Variants in ZFYVE28 observed in about 807,000 individuals in gnomAD.
ZFYVE28 encodes the protein lateral signaling target protein 2 homolog.
In ZFYVE28, 40 loss-of-function variants were observed where a neutral mutation model predicts 82.1. The ratio of observed to expected loss-of-function variants is 0.49; its 90% CI spans 0.38 to 0.63. The LOEUF (loss-of-function observed/expected upper bound fraction) is 0.63, where lower values mean the gene tolerates loss of function less well. Among genes scored for constraint, ZFYVE28 ranks in the 30% least tolerant of loss-of-function variants. ZFYVE28 has a pLI of 0.00. For synonymous variants in ZFYVE28, 612 were observed against 546.1 expected (o/e 1.12, Z -1.68); for missense variants, 1,321 against 1,242.1 (o/e 1.06, Z -0.96).
chr4:2,363,221 C>T (rs1252218298), intron 1 of ZFYVE28, among the ~76,000 whole-genome samples: 1 of 152,160 alleles, frequency 6.6e-6, no homozygotes. Context: ...GTGGGAGTGG[C>T]ATAGCTCAGA....
intron 8 of ZFYVE28, among the ~76,000 whole-genome samples, chr4:2,280,554 T>C: frequency 6.6e-6 from 1 of 152,216 alleles, no homozygotes; most frequent in East Asian, 1.9e-4. Flanking sequence ...AGAGATGTCA[T>C]ATGTACATAA....
chr4:2,293,752 C>CAA lies in ZFYVE28; in HGVS notation c.2051+10535_2051+10536dup, dbSNP rs71644322. Among the ~76,000 whole-genome samples the CAA allele has an allele frequency of 3.8e-3, 316 of 83,478 alleles. 9 individuals are homozygous for CAA. Among genetic ancestry groups the CAA allele is most frequent in the Middle Eastern group, 0.013 (2 of 156 alleles). 54.8% of individuals were successfully genotyped at this position (83,478 alleles called of 152,430 possible). On this transcript the variant is annotated intron_variant, in intron 8 of 12. Coordinates refer to ENST00000290974, the MANE Select transcript of ZFYVE28 (RefSeq NM_020972.3). Reference sequence around the variant, plus strand: ...TGGGTGACAGAGCAAGACTCCATCTCAAAAAAAAAAAAAAAAAAATCTTCT... The same window carrying CAA: ...TGGGTGACAGAGCAAGACTCCATCTCAAAAAAAAAAAAAAAAAAAAATCTTCT...
At chr4:2,277,341 G>A (rs1043356779) in intron 8 of ZFYVE28, among the ~76,000 whole-genome samples, 1 of 152,198 alleles carries the variant, frequency 6.6e-6, no homozygotes, top group African/African-American at 2.4e-5. Context: ...TTAGCCGGGC[G>A]TGGCGGCGTG....
intron 11 of ZFYVE28, 95 bp downstream of exon 11, chr4:2,271,580 G>A: frequency 1.4e-6 from 2 of 1,460,562 alleles, no homozygotes; most frequent in Non-Finnish European, 1.9e-6. Context: ...GGACAGGGTG[G>A]CCTGCAGCCC....
At chr4:2,278,934 C>A (rs1711541736) in intron 8 of ZFYVE28, among the ~76,000 whole-genome samples, 2 of 150,188 alleles carry the variant, frequency 1.3e-5, no homozygotes, top group African/African-American at 2.4e-5. Context: ...AATGTTCCCC[C>A]CCCCCTCAAA....
chr4:2,280,383 C>T (rs1711799438), intron 8 of ZFYVE28, among the ~76,000 whole-genome samples: 1 of 152,008 alleles, frequency 6.6e-6, no homozygotes, highest in Admixed American at 6.6e-5. Context: ...TGGTGTGCAC[C>T]TGTAGTACCA....
intron 1 of ZFYVE28, among the ~76,000 whole-genome samples, chr4:2,358,985 T>TTC (rs1047243983): frequency 6.7e-6 from 1 of 149,550 alleles, no homozygotes; most frequent in Non-Finnish European, 1.5e-5. Context: ...CTTTTTTTTT[T>TTC]TTTTTTTGAG....
chr4:2,273,972 G>A, intron 9 of ZFYVE28, 90 bp downstream of exon 9: 2 of 1,448,116 alleles, frequency 1.4e-6, no homozygotes, highest in Non-Finnish European at 1.9e-6. Context: ...GAAAGTGAGG[G>A]GGAGGTTGTA....
rs1170479977 is a variant in ZFYVE28, at chr4:2,312,726, CAAAAAAAAA to C, written c.804-7199_804-7191del. Among the ~76,000 whole-genome samples the C allele has an allele frequency of 2.7e-3, 174 of 64,944 alleles. 2 individuals carry two copies. Among genetic ancestry groups the C allele is most frequent in the Admixed American group, 9.6e-3 (47 of 4,876 alleles). 42.6% of individuals were successfully genotyped at this position (64,944 alleles called of 152,430 possible). A position where few individuals can be genotyped will look rare whatever the true frequency, so the allele number is the denominator to read the frequency against. On this transcript the variant is annotated intron_variant, in intron 7 of 12. Coordinates refer to ENST00000290974, the MANE Select transcript of ZFYVE28 (RefSeq NM_020972.3). ...TGGGCGACAGAGCGAGACTCTGCCT[CAAAAAAAAA>C]AAAAAAAAAAAAAAAAGAAGTGTTT...
At position 2,417,839 on chromosome 4, in the gene ZFYVE28, G is replaced by C. The variant is rs1733263760; in HGVS notation, c.39+446C>G. 6.6e-6 allele frequency among the ~76,000 whole-genome samples: 1 copy of C among 151,496 alleles called. No individual in the cohort carries two copies. The highest frequency in any genetic ancestry group is 6.6e-5 in the Admixed American group (1 of 15,248). On this transcript the variant is annotated intron_variant, in intron 1 of 12. Coordinates refer to ENST00000290974, the MANE Select transcript of ZFYVE28 (RefSeq NM_020972.3). The surrounding 1 kb of genome is among the most constrained non-coding windows in gnomAD (Gnocchi z 4.8). ...AGATCTATTCCGGGCCCAGGACAAT[G>C]GGGGTGGGGGCAGGACGGGAATGAG...
chr4:2,322,619 A>G (rs1255633164), intron 6 of ZFYVE28, among the ~76,000 whole-genome samples: 1 of 152,118 alleles, frequency 6.6e-6, no homozygotes, highest in East Asian at 1.9e-4. Flanking sequence ...AATTCATATA[A>G]CGAACAACTG....
At chr4:2,273,340 C>A in intron 9 of ZFYVE28, 51 bp from the exon 10 acceptor site, 2 of 1,530,568 alleles carry the variant, frequency 1.3e-6, no homozygotes, top group Non-Finnish European at 1.8e-6. Flanking sequence ...ATGGAAGGAA[C>A]TGCGGAGGTC....
chr4:2,321,086 T>A (rs1719005192), intron 6 of ZFYVE28, among the ~76,000 whole-genome samples: 1 of 152,116 alleles, frequency 6.6e-6, no homozygotes, highest in Non-Finnish European at 1.5e-5. Flanking sequence ...GGGTGCCTCC[T>A]CCTGGGTCTC....
At position 2,300,569 on chromosome 4, in the gene ZFYVE28, G is replaced by A. The variant is rs1474437511; in HGVS notation, c.2051+3720C>T. ...CTCCTGGCTGGGACCCTCACGCCAG[G>A]ACTCCAGTGGGCCATGTGCCAACCC... On this transcript the variant is annotated intron_variant, in intron 8 of 12. Transcript: ENST00000290974. This position sits in a 1 kb window ranked among gnomAD's most constrained non-coding sequence, Gnocchi z 4.6. Among the ~76,000 whole-genome samples, 1 of 152,094 alleles carries A rather than the reference G, an allele frequency of 6.6e-6. No homozygotes were observed. The highest frequency in any genetic ancestry group is 1.5e-5 in the Non-Finnish European group (1 of 68,028).
At chr4:2,330,884 G>C in intron 6 of ZFYVE28, 3 of 1,535,260 alleles carry the variant, frequency 2.0e-6, no homozygotes, top group Non-Finnish European at 2.6e-6. Context: ...GGTGCAGGCA[G>C]ATCACGGTGG....
chr4:2,371,186 A>G (rs1265701620), intron 1 of ZFYVE28, among the ~76,000 whole-genome samples: 3 of 152,190 alleles, frequency 2.0e-5, no homozygotes, highest in Non-Finnish European at 2.9e-5. Flanking sequence ...GGGTGACCAC[A>G]GGAAAGGGCA....
intron 8 of ZFYVE28, among the ~76,000 whole-genome samples, chr4:2,291,448 G>A (rs1713685780): frequency 6.6e-6 from 1 of 152,164 alleles, no homozygotes; most frequent in Non-Finnish European, 1.5e-5. Flanking sequence ...CCCGAGGAGG[G>A]GCCAATGCTT....
chr4:2,358,016 C>G (rs1425381677), intron 1 of ZFYVE28, among the ~76,000 whole-genome samples: 2 of 152,140 alleles, frequency 1.3e-5, no homozygotes, highest in African/African-American at 4.8e-5. Context: ...ACACAAAGCC[C>G]CAGTCATCAC....
At chr4:2,364,871 C>T (rs1726665463) in intron 1 of ZFYVE28, 1 of 985,508 alleles carries the variant, frequency 1.0e-6, no homozygotes. Context: ...GGCAAAGTCG[C>T]GAGAGTACCG....
Sources: allele counts gnomAD v4.1 joint callset (sites outside exome capture counted in the v4.1 genomes callset), GRCh38; gene constraint gnomAD v4.1.1; non-coding constraint Gnocchi (gnomAD v3.1); transcripts MANE v1.5; gene names NCBI Gene and HGNC (gene_info 2026-07-23, HGNC 2026-07-21).